Variants in LONRF3 observed in about 807,000 individuals in gnomAD.
The protein encoded by LONRF3 is LON peptidase N-terminal domain and ring finger 3, also known as LON peptidase N-terminal domain and RING finger protein 3.
Under a neutral mutation model 51.7 loss-of-function variants are expected in LONRF3, and 19 were observed. That is an observed-to-expected ratio of 0.37 (90% CI 0.26 to 0.54). The LOEUF (loss-of-function observed/expected upper bound fraction) is 0.54, where lower values mean the gene tolerates loss of function less well. Among genes scored for constraint, LONRF3 ranks in the 20% least tolerant of loss-of-function variants. The pLI, the probability that LONRF3 is intolerant of heterozygous loss-of-function variation, is 0.86. For synonymous variants in LONRF3, 265 were observed against 257.8 expected (o/e 1.03, Z -0.27); for missense variants, 521 against 623.9 (o/e 0.84, Z 1.76).
intron 7 of LONRF3, 76 bp from the exon 8 acceptor site, chrX:119,011,739 C>T: frequency 9.4e-7 from 1 of 1,066,354 alleles, no homozygotes; most frequent in Admixed American, 2.2e-5. Context: ...AGGGGTATCA[C>T]ATGCTAACAT....
At position 119,012,004 on chromosome X, in the gene LONRF3, G is replaced by A. The variant is rs1017460637; in HGVS notation, c.1811+31G>A. On this transcript the variant is annotated intron_variant, in intron 8 of 10. Transcript: ENST00000371628. ...TGAGGAGCCATGCGAGCAAAGGGAG[G>A]TTGTGTAATGAGGGATTTCTGTTTT... is the stretch of plus-strand genomic sequence containing the variant. The A allele has an allele frequency of 5.0e-6, 6 of 1,200,537 alleles. No homozygotes were observed. The South Asian group carries it at 1.1e-4, about 21-fold the overall frequency.
chrX:119,017,007 C>T (rs1019317646), intron 10 of LONRF3, among the ~76,000 whole-genome samples: 1 of 112,124 alleles, frequency 8.9e-6, no homozygotes, highest in Non-Finnish European at 1.9e-5. Flanking sequence ...GGTTGGTTTG[C>T]TTTAACAAGA....
intron 7 of LONRF3, among the ~76,000 whole-genome samples, chrX:119,010,462 C>T (rs956799298): frequency 2.0e-4 from 22 of 111,404 alleles, no homozygotes; most frequent in African/African-American, 6.5e-4. Flanking sequence ...TAGACTAATG[C>T]TTTTCTCAGA....
intron 6 of LONRF3, among the ~76,000 whole-genome samples, 163 bp downstream of exon 6, chrX:119,006,398 C>CTTTTTT (rs1042593971): frequency 5.8e-5 from 5 of 86,739 alleles, no homozygotes; most frequent in South Asian, 5.1e-4. Context: ...CTCCTGTCTT[C>CTTTTTT]TTTTTTTTTT....
chrX:119,000,477 C>T (rs1262681078), intron 5 of LONRF3, among the ~76,000 whole-genome samples: 2 of 111,563 alleles, frequency 1.8e-5, no homozygotes, highest in African/African-American at 3.3e-5. Flanking sequence ...AGAAGTTACC[C>T]CCTAACTTCA....
intron 2 of LONRF3, among the ~76,000 whole-genome samples, chrX:118,980,532 T>A (rs1415960530): frequency 9.2e-6 from 1 of 108,908 alleles, no homozygotes; most frequent in Non-Finnish European, 1.9e-5. Flanking sequence ...TCTTGTATGT[T>A]CTTTCTTGAG....
rs371626763 is a variant in LONRF3 at position 118,974,768 on chromosome X, T to C, written c.-13T>C. ...TCCCTAGACGCCTCGTCTCCTCCCGTGTCCCTCTTCCCATGGAGTCAGTAC... is the reference window on the plus strand; with the variant it reads ...TCCCTAGACGCCTCGTCTCCTCCCGCGTCCCTCTTCCCATGGAGTCAGTAC... On this transcript the variant is annotated 5_prime_UTR_variant, in exon 1 of 11. Coordinates refer to ENST00000371628, the MANE Select transcript of LONRF3 (RefSeq NM_001031855.3). 1 of 1,176,216 alleles carries C rather than the reference T, an allele frequency of 8.5e-7. No individual in the cohort carries two copies.
chrX:118,991,786 T>C (rs113436385), intron 5 of LONRF3, among the ~76,000 whole-genome samples: 157 of 111,819 alleles, frequency 1.4e-3, no homozygotes, highest in African/African-American at 4.8e-3. Context: ...CATAGGGTTG[T>C]CATGATTAAT....
chrX:119,011,141 A>G (rs1000598424), intron 7 of LONRF3, among the ~76,000 whole-genome samples: 14 of 108,955 alleles, frequency 1.3e-4, no homozygotes, highest in African/African-American at 4.7e-4. Context: ...AAAAAGAAAG[A>G]CCCTTGGGTC....
chrX:119,012,813 C>T (rs978385708), intron 8 of LONRF3: 3 of 928,549 alleles, frequency 3.2e-6, no homozygotes, highest in Admixed American at 3.0e-5. Context: ...TGGCACAGCA[C>T]ATAGTATGTG....
chrX:118,981,196 A>G (rs1922520389), intron 2 of LONRF3, among the ~76,000 whole-genome samples: 1 of 110,884 alleles, frequency 9.0e-6, no homozygotes, highest in African/African-American at 3.3e-5. Context: ...GGTAGAGTAT[A>G]TGGGTTGGCC....
chrX:119,002,794 T>G (rs1025913775), intron 5 of LONRF3, among the ~76,000 whole-genome samples: 6 of 110,897 alleles, frequency 5.4e-5, no homozygotes, highest in Admixed American at 3.8e-4. Context: ...CTTCTTCTTG[T>G]TTTTTTATTT....
At chrX:119,003,342 C>T (rs1025234564) in intron 5 of LONRF3, among the ~76,000 whole-genome samples, 1 of 111,665 alleles carries the variant, frequency 9.0e-6, no homozygotes, top group African/African-American at 3.3e-5. Context: ...ATCTTATGAA[C>T]GTTTTATTGT....
At chrX:119,012,859 G>T in intron 8 of LONRF3, 180 bp from the exon 9 acceptor site, 2 of 1,174,474 alleles carry the variant, frequency 1.7e-6, no homozygotes, top group Non-Finnish European at 1.1e-6. Flanking sequence ...AATACATTAC[G>T]AATTTTTTTT....
intron 3 of LONRF3, chrX:118,986,933 T>C: frequency 8.7e-7 from 1 of 1,153,780 alleles, no homozygotes; most frequent in South Asian, 1.9e-5. Flanking sequence ...AGCTTCTCCT[T>C]AGTTTCTTTT....
chrX:118,974,917 C>G lies in LONRF3; in HGVS notation c.137C>G (p.Pro46Arg), dbSNP rs142382955. The change falls in exon 1 of 11, where the codon CCC (proline) becomes CGC (arginine). Residue 46 changes from proline to arginine, a missense_variant. Physicochemically the swap from Pro to Arg is moderately radical, Grantham distance 103. Coordinates refer to ENST00000371628, the MANE Select transcript of LONRF3 (RefSeq NM_001031855.3). The part of the protein sequence containing the change: ...GPHPKVAAEG[P>R]APLPTREPEQ... The stretch of plus-strand genomic sequence containing the variant: ...CACCCAAAGGTGGCTGCAGAGGGCC[C>G]CGCACCTCTACCGACGCGGGAGCCA... 3.1e-5 allele frequency: 37 copies of G among 1,188,421 alleles called. No homozygotes were observed. The highest frequency in any genetic ancestry group is 2.5e-5 in the Non-Finnish European group (22 of 884,172).
intron 7 of LONRF3, among the ~76,000 whole-genome samples, chrX:119,011,158 C>T (rs1925084430): frequency 9.1e-6 from 1 of 109,922 alleles, no homozygotes; most frequent in Non-Finnish European, 1.9e-5. Context: ...GGTCCCAATT[C>T]CAGAGCTAAT....
intron 5 of LONRF3, among the ~76,000 whole-genome samples, chrX:119,005,879 T>G (rs961354477): frequency 8.9e-6 from 1 of 111,830 alleles, no homozygotes; most frequent in Admixed American, 9.5e-5. Flanking sequence ...CCAGAAGAGA[T>G]AGACTAGAAT....
At chrX:118,975,700 GA>G in intron 1 of LONRF3, 103 bp downstream of exon 1, 1 of 653,620 alleles carries the variant, frequency 1.5e-6, no homozygotes, top group Non-Finnish European at 2.2e-6. Context: ...CAGGGCAGAA[GA>G]GGGGGCGGGG....
Sources: gnomAD v4.1 joint callset for allele counts (sites outside exome capture counted in the v4.1 genomes callset) on GRCh38, gnomAD v4.1.1 for gene constraint, MANE v1.5 for transcripts, NCBI Gene and HGNC (gene_info 2026-07-23, HGNC 2026-07-21) for gene names.